Variants in NAALADL2 observed in about 807,000 individuals in gnomAD.
NAALADL2 encodes inactive N-acetylated-alpha-linked acidic dipeptidase-like protein 2.
NAALADL2 carries 76 observed loss-of-function variants against 87.2 expected under a neutral mutation model. The observed-to-expected ratio is 0.87, with a 90% CI of 0.72 to 1.05. The LOEUF is 1.05. Among genes scored for constraint, NAALADL2 ranks in the 50% least tolerant of loss-of-function variants. NAALADL2 has a pLI of 0.00. For missense variants in NAALADL2, 1,089 were observed against 945.8 expected (o/e 1.15, Z -1.99); for synonymous variants, 354 against 331.0 (o/e 1.07, Z -0.75).
rs182677745 is a variant in NAALADL2 at position 175,136,097 on chromosome 3, G to A, written c.545+38806G>A. On this transcript the variant is annotated intron_variant, in intron 2 of 13. Transcript: ENST00000454872. ...GTGAACCTACTCCTTAGGGTGTAGAGAGGGAAGATAAGGTGAGATAGTAAG... is the reference window on the plus strand; with the variant it reads ...GTGAACCTACTCCTTAGGGTGTAGAAAGGGAAGATAAGGTGAGATAGTAAG... Among the ~76,000 whole-genome samples the A allele has an allele frequency of 1.7e-4, 26 of 152,220 alleles. 1 individual carries two copies. The highest frequency in any genetic ancestry group is 9.2e-4 in the Admixed American group (14 of 15,298).
At chr3:174,471,693 G>A (rs146008108) in intron 1 of NAALADL2, among the ~76,000 whole-genome samples, 134 of 151,970 alleles carry the variant, frequency 8.8e-4, no homozygotes, top group African/African-American at 3.0e-3. Flanking sequence ...ATAAACTTGG[G>A]CAGGTTGCTT....
chr3:174,631,655 C>T (rs1024192814), intron 2 of NAALADL2, among the ~76,000 whole-genome samples: 5 of 152,152 alleles, frequency 3.3e-5, no homozygotes, highest in African/African-American at 1.2e-4. Flanking sequence ...ATATATATTG[C>T]AGAGTGGCTA....
chr3:174,879,823 C>T (rs1043980922), intron 1 of NAALADL2, among the ~76,000 whole-genome samples: 2 of 151,998 alleles, frequency 1.3e-5, no homozygotes, highest in Non-Finnish European at 2.9e-5. Flanking sequence ...CAACTATACC[C>T]AAAGCTTCTC....
intron 5 of NAALADL2, among the ~76,000 whole-genome samples, chr3:175,357,848 G>A (rs1764564946): frequency 6.6e-6 from 1 of 152,096 alleles, no homozygotes; most frequent in African/African-American, 2.4e-5. Flanking sequence ...AAGGGAATTG[G>A]GTTTATAGAG....
At chr3:174,463,740 A>G (rs552478117) in intron 1 of NAALADL2, among the ~76,000 whole-genome samples, 104 of 151,584 alleles carry the variant, frequency 6.9e-4, no homozygotes, top group African/African-American at 2.4e-3. Flanking sequence ...AGCTGGGACT[A>G]CAGGCGCCCA....
intron 2 of NAALADL2, among the ~76,000 whole-genome samples, chr3:174,581,124 T>A (rs892134225): frequency 1.7e-4 from 26 of 152,174 alleles, no homozygotes; most frequent in African/African-American, 6.3e-4. Flanking sequence ...AGTTATCTAA[T>A]AATAGGTTAA....
At chr3:175,444,172 G>A (rs1720293150) in intron 5 of NAALADL2, among the ~76,000 whole-genome samples, 1 of 152,180 alleles carries the variant, frequency 6.6e-6, no homozygotes, top group African/African-American at 2.4e-5. Context: ...GAACTGGGGA[G>A]AGATACAATC....
At chr3:175,150,392 G>A (rs1017096666) in intron 2 of NAALADL2, among the ~76,000 whole-genome samples, 1 of 152,096 alleles carries the variant, frequency 6.6e-6, no homozygotes, top group Non-Finnish European at 1.5e-5. Flanking sequence ...TATCTCAGCT[G>A]TTAAGAATTC....
chr3:175,077,076 T>C (rs755973048), intron 1 of NAALADL2, among the ~76,000 whole-genome samples: 5 of 152,100 alleles, frequency 3.3e-5, no homozygotes, highest in Admixed American at 6.5e-5. Context: ...CTGTGTTCAA[T>C]AGAAAAAAAA....
chr3:174,736,780 T>G (rs1330825950), intron 2 of NAALADL2, among the ~76,000 whole-genome samples: 1 of 152,172 alleles, frequency 6.6e-6, no homozygotes, highest in African/African-American at 2.4e-5. Flanking sequence ...GCCGTCTCTT[T>G]CCACCTAGGA....
intron 2 of NAALADL2, among the ~76,000 whole-genome samples, chr3:174,603,213 A>T (rs1718631649): frequency 6.6e-6 from 1 of 152,016 alleles, no homozygotes; most frequent in Admixed American, 6.6e-5. Flanking sequence ...GTTTGGTAAA[A>T]TTTAGCAGTG....
At chr3:174,821,290 A>G (rs1309676307) in intron 3 of NAALADL2, among the ~76,000 whole-genome samples, 1 of 152,140 alleles carries the variant, frequency 6.6e-6, no homozygotes, top group Non-Finnish European at 1.5e-5. Flanking sequence ...CTCCTCATTT[A>G]TACTAATACG....
chr3:174,602,693 C>T (rs1194167962), intron 2 of NAALADL2, among the ~76,000 whole-genome samples: 32 of 151,894 alleles, frequency 2.1e-4, no homozygotes, highest in Admixed American at 1.8e-3. Flanking sequence ...GGTGATCATC[C>T]TTGTTGTATT....
At chr3:174,756,339 A>G (rs546992322) in intron 3 of NAALADL2, among the ~76,000 whole-genome samples, 12 of 152,158 alleles carry the variant, frequency 7.9e-5, no homozygotes, top group Middle Eastern at 3.4e-3. Flanking sequence ...TGCTTTTTCT[A>G]TTTCGTGGCT....
intron 1 of NAALADL2, among the ~76,000 whole-genome samples, chr3:175,002,968 A>G (rs763752490): frequency 3.9e-5 from 6 of 152,190 alleles, no homozygotes; most frequent in Non-Finnish European, 7.4e-5. Flanking sequence ...TTATGAGTCT[A>G]CTGTTATGCT....
At chr3:175,386,451 T>G (rs1768386949) in intron 5 of NAALADL2, among the ~76,000 whole-genome samples, 1 of 152,008 alleles carries the variant, frequency 6.6e-6, no homozygotes, top group South Asian at 2.1e-4. Flanking sequence ...ACAAGAATAT[T>G]TCATAGGTGT....
chr3:175,538,265 A>G (rs979735791), intron 9 of NAALADL2, among the ~76,000 whole-genome samples: 4 of 152,224 alleles, frequency 2.6e-5, no homozygotes, highest in African/African-American at 9.6e-5. Flanking sequence ...ATTTGACTTT[A>G]ATGTATACCT....
At chr3:174,567,519 A>G (rs377249434) in intron 2 of NAALADL2, among the ~76,000 whole-genome samples, 1 of 151,614 alleles carries the variant, frequency 6.6e-6, no homozygotes, top group Non-Finnish European at 1.5e-5. Flanking sequence ...CATATTAAGT[A>G]TCATCATACC....
chr3:175,295,062 T>C (rs188356187), intron 4 of NAALADL2, among the ~76,000 whole-genome samples: 4 of 152,296 alleles, frequency 2.6e-5, no homozygotes, highest in Admixed American at 2.6e-4. Context: ...GAGAATTGCA[T>C]GTGTCAATAC....
Sources: gnomAD v4.1 joint callset for allele counts (sites outside exome capture counted in the v4.1 genomes callset) on GRCh38, gnomAD v4.1.1 for gene constraint, MANE v1.5 for transcripts, NCBI Gene and HGNC (gene_info 2026-07-23, HGNC 2026-07-21) for gene names.